Variants in ADAM18 observed in about 807,000 individuals in gnomAD.
ADAM18 encodes the protein disintegrin and metalloproteinase domain-containing protein 18.
ADAM18 carries 117 observed loss-of-function variants against 94.4 expected under a neutral mutation model. That is an observed-to-expected ratio of 1.24 (90% CI 1.07 to 1.45). The LOEUF is 1.45. Ranked by LOEUF, ADAM18 falls within the 40% of genes most tolerant of loss-of-function variation. ADAM18 has a pLI of 0.00. For synonymous variants in ADAM18, 327 were observed against 291.6 expected (o/e 1.12, Z -1.24); for missense variants, 936 against 880.0 (o/e 1.06, Z -0.81).
At chr8:39,656,486 T>C (rs1190839668) in intron 12 of ADAM18, among the ~76,000 whole-genome samples, 1 of 152,168 alleles carries the variant, frequency 6.6e-6, no homozygotes, top group Non-Finnish European at 1.5e-5. Context: ...TTCAGATATA[T>C]TGTTGATAAA....
At chr8:39,695,564 G>A (rs1821899946) in intron 17 of ADAM18, among the ~76,000 whole-genome samples, 1 of 150,792 alleles carries the variant, frequency 6.6e-6, no homozygotes, top group Non-Finnish European at 1.5e-5. Flanking sequence ...TCTTTTGCCT[G>A]TTTTTTTAAA....
At chr8:39,662,270 G>A (rs1314197329) in intron 12 of ADAM18, among the ~76,000 whole-genome samples, 2 of 151,996 alleles carry the variant, frequency 1.3e-5, no homozygotes, top group South Asian at 2.1e-4. Flanking sequence ...CATTTATACA[G>A]CATTATTTAA....
At chr8:39,666,093 A>G (rs1820987560) in intron 13 of ADAM18, among the ~76,000 whole-genome samples, 1 of 152,136 alleles carries the variant, frequency 6.6e-6, no homozygotes, top group East Asian at 1.9e-4. Context: ...ACTGGAGTGC[A>G]GTGGCACTAT....
chr8:39,699,198 C>T (rs1822000781), intron 17 of ADAM18, among the ~76,000 whole-genome samples: 1 of 152,038 alleles, frequency 6.6e-6, no homozygotes, highest in South Asian at 2.1e-4. Context: ...CCTTAAAGAA[C>T]TAACAAGTCT....
At chr8:39,720,458 A>G (rs1822716049) in intron 18 of ADAM18, among the ~76,000 whole-genome samples, 1 of 151,458 alleles carries the variant, frequency 6.6e-6, no homozygotes, top group Non-Finnish European at 1.5e-5. Context: ...TTTCATGTCA[A>G]TCATCTCTCA....
chr8:39,679,876 T>C (rs1322190395), intron 15 of ADAM18, among the ~76,000 whole-genome samples, 161 bp from the exon 16 acceptor site: 2 of 152,200 alleles, frequency 1.3e-5, no homozygotes, highest in African/African-American at 4.8e-5. Context: ...ATTAAGACAG[T>C]TGCATTTAGT....
intron 18 of ADAM18, among the ~76,000 whole-genome samples, chr8:39,710,622 A>G (rs1015615662): frequency 3.3e-5 from 5 of 152,192 alleles, no homozygotes; most frequent in Admixed American, 3.3e-4. Context: ...TCAACATGGT[A>G]GTTCAACTAG....
chr8:39,616,085 C>T (rs1819430054), intron 6 of ADAM18, among the ~76,000 whole-genome samples: 1 of 151,742 alleles, frequency 6.6e-6, no homozygotes, highest in African/African-American at 2.4e-5. Flanking sequence ...TATTTTATGC[C>T]CATGGTTAGG....
chr8:39,599,231 G>C (rs1818832855), intron 2 of ADAM18, among the ~76,000 whole-genome samples: 1 of 152,108 alleles, frequency 6.6e-6, no homozygotes, highest in Non-Finnish European at 1.5e-5. Flanking sequence ...TGCACATCTA[G>C]GGTAAACCTC....
intron 12 of ADAM18, among the ~76,000 whole-genome samples, chr8:39,648,761 A>G (rs1311048849): frequency 1.3e-5 from 2 of 152,174 alleles, no homozygotes; most frequent in African/African-American, 4.8e-5. Flanking sequence ...TCATGCCAGC[A>G]GATTGATTTT....
chr8:39,637,492 T>C, intron 8 of ADAM18, 45 bp from the exon 9 acceptor site: 1 of 1,495,538 alleles, frequency 6.7e-7, no homozygotes, highest in East Asian at 2.3e-5. Flanking sequence ...CTTTTAAATG[T>C]AATAACTTGT....
intron 6 of ADAM18, among the ~76,000 whole-genome samples, chr8:39,614,084 C>G (rs1460217808): frequency 6.6e-6 from 1 of 152,134 alleles, no homozygotes; most frequent in Non-Finnish European, 1.5e-5. Flanking sequence ...TATTTCCAAA[C>G]TTTACTAGAA....
At chr8:39,695,635 T>G (rs1460307941) in intron 17 of ADAM18, among the ~76,000 whole-genome samples, 1 of 151,388 alleles carries the variant, frequency 6.6e-6, no homozygotes, top group Non-Finnish European at 1.5e-5. Flanking sequence ...ACTTGAGGTT[T>G]ATATGAATTG....
intron 18 of ADAM18, among the ~76,000 whole-genome samples, chr8:39,713,994 T>G (rs1822497511): frequency 6.6e-6 from 1 of 152,168 alleles, no homozygotes; most frequent in Non-Finnish European, 1.5e-5. Flanking sequence ...TGCACACATA[T>G]GTTTATTGTG....
chr8:39,656,204 A>T (rs912057380), intron 12 of ADAM18, among the ~76,000 whole-genome samples: 1 of 152,104 alleles, frequency 6.6e-6, no homozygotes, highest in Admixed American at 6.5e-5. Context: ...TGAAAAAAAA[A>T]ACAAATTTGG....
chr8:39,688,557 C>T (rs1250562187), intron 16 of ADAM18, among the ~76,000 whole-genome samples: 1 of 152,206 alleles, frequency 6.6e-6, no homozygotes, highest in Non-Finnish European at 1.5e-5. Flanking sequence ...CTGCAGAAGA[C>T]ATGACCTCAT....
At chr8:39,608,185 A>G (rs1233988493) in intron 3 of ADAM18, among the ~76,000 whole-genome samples, 2 of 152,004 alleles carry the variant, frequency 1.3e-5, no homozygotes, top group Non-Finnish European at 2.9e-5. Context: ...AAATATATCT[A>G]TATCTATATC....
intron 7 of ADAM18, among the ~76,000 whole-genome samples, chr8:39,633,799 A>G (rs1819998633): frequency 6.6e-6 from 1 of 151,602 alleles, no homozygotes; most frequent in Non-Finnish European, 1.5e-5. Context: ...AGAAGAATGT[A>G]AAGATTTGAA....
At chr8:39,709,419 T>G (rs1822332641) in intron 18 of ADAM18, among the ~76,000 whole-genome samples, 1 of 152,116 alleles carries the variant, frequency 6.6e-6, no homozygotes, top group African/African-American at 2.4e-5. Context: ...AATAGGACCA[T>G]GGGTGGTTTA....
Sources: gnomAD v4.1 joint callset for allele counts (sites outside exome capture counted in the v4.1 genomes callset) on GRCh38, gnomAD v4.1.1 for gene constraint, MANE v1.5 for transcripts, NCBI Gene and HGNC (gene_info 2026-07-23, HGNC 2026-07-21) for gene names.